IL34: variants seen among roughly 807,000 people sequenced by gnomAD.
IL34 encodes interleukin-34.
A neutral mutation model predicts 25.3 loss-of-function variants in IL34; 17 were observed. That is an observed-to-expected ratio of 0.67 (90% CI 0.46 to 1.01). The LOEUF (loss-of-function observed/expected upper bound fraction) is 1.01. IL34 is among the 50% of genes least tolerant of loss of function. IL34 has a pLI of 0.00. For synonymous variants in IL34, 174 were observed against 140.9 expected (o/e 1.23, Z -1.66); for missense variants, 368 against 312.9 (o/e 1.18, Z -1.33).
At chr16:70,631,248 G>A (rs1489675350) in intron 1 of IL34, among the ~76,000 whole-genome samples, 3 of 152,186 alleles carry the variant, frequency 2.0e-5, no homozygotes, top group Non-Finnish European at 2.9e-5. Flanking sequence ...ACTGTGGACT[G>A]TTGTGGACAT....
chr16:70,655,360 T>TC (rs946971542), intron 2 of IL34, among the ~76,000 whole-genome samples: 1 of 151,782 alleles, frequency 6.6e-6, no homozygotes, highest in African/African-American at 2.4e-5. Context: ...CCTTTTTTTT[T>TC]CTTTTTAATT....
At chr16:70,646,187 A>G (rs2864754), upstream of IL34, among the ~76,000 whole-genome samples, 91,420 of 152,026 alleles carry the variant, frequency 0.6, 30,427 homozygotes, top group African/African-American at 0.9. Context: ...TGGGATTACA[A>G]GCATGAGCCA....
intron 1 of IL34, among the ~76,000 whole-genome samples, chr16:70,623,699 CA>C (rs2051327468): frequency 6.6e-6 from 1 of 151,606 alleles, no homozygotes; most frequent in African/African-American, 2.4e-5. Context: ...AGAAGGGTGG[CA>C]ATGAGATGTA....
intron 5 of IL34, 112 bp from the exon 6 acceptor site, chr16:70,659,885 G>T: frequency 6.8e-7 from 1 of 1,474,336 alleles, no homozygotes; most frequent in East Asian, 2.3e-5. Context: ...ATTTCTGGAA[G>T]CCAGGATGGG....
At chr16:70,582,769 A>G (rs1321402801) in intron 1 of IL34, among the ~76,000 whole-genome samples, 1 of 152,244 alleles carries the variant, frequency 6.6e-6, no homozygotes, top group African/African-American at 2.4e-5. Context: ...AGGGAGAGAC[A>G]TGCACAAGAT....
chr16:70,641,970 T>C (rs1448879262), upstream of IL34, among the ~76,000 whole-genome samples: 1 of 152,236 alleles, frequency 6.6e-6, no homozygotes, highest in Non-Finnish European at 1.5e-5. Context: ...TGTGGGATAT[T>C]CATGCAAGGG....
chr16:70,583,123 TC>T (rs2050653366), intron 1 of IL34, among the ~76,000 whole-genome samples: 1 of 151,568 alleles, frequency 6.6e-6, no homozygotes, highest in African/African-American at 2.4e-5. Flanking sequence ...TTGTTGTTTG[TC>T]TTTTTTGAGA....
intron 1 of IL34, among the ~76,000 whole-genome samples, chr16:70,633,779 C>T (rs1360580637): frequency 6.6e-6 from 1 of 152,084 alleles, no homozygotes; most frequent in Non-Finnish European, 1.5e-5. Flanking sequence ...TTCTGGTGTA[C>T]AATTCCTGGT....
intron 1 of IL34, among the ~76,000 whole-genome samples, chr16:70,604,775 A>T (rs1439874422): frequency 6.6e-6 from 1 of 152,218 alleles, no homozygotes; most frequent in African/African-American, 2.4e-5. Flanking sequence ...CGTGCAGGAT[A>T]CTTCCAGTAG....
chr16:70,652,615 A>T (rs949722360), intron 1 of IL34, among the ~76,000 whole-genome samples: 1 of 152,228 alleles, frequency 6.6e-6, no homozygotes, highest in Non-Finnish European at 1.5e-5. Flanking sequence ...TATTGGCTAC[A>T]TGCATTATTA....
rs141480602 is a variant in IL34 at position 70,633,447 on chromosome 16, T to G, written c.-400-13101T>G. 4.5e-3 allele frequency among the ~76,000 whole-genome samples: 680 copies of G among 152,158 alleles called. 4 individuals are homozygous for G. The highest frequency in any genetic ancestry group is 0.015 in the African/African-American group (613 of 41,522). On this transcript the variant is annotated intron_variant, in intron 1 of 6. Coordinates refer to the IL34 transcript ENST00000429149. Reference sequence around the variant, plus strand: ...TAAAAAAAATTATTATTTTTTTCTCTAGAGACGTGGTCTCCCTATGTTGCC... The same window carrying G: ...TAAAAAAAATTATTATTTTTTTCTCGAGAGACGTGGTCTCCCTATGTTGCC...
upstream of IL34, among the ~76,000 whole-genome samples, chr16:70,644,848 G>A (rs72792840): frequency 0.28 from 35,383 of 124,736 alleles, 5,594 homozygotes; most frequent in South Asian, 0.41. Context: ...AGGAAGGAGG[G>A]AAGAGGAGGA....
At chr16:70,603,356 C>T (rs1030751952) in intron 1 of IL34, among the ~76,000 whole-genome samples, 4 of 152,034 alleles carry the variant, frequency 2.6e-5, no homozygotes, top group Admixed American at 6.5e-5. Flanking sequence ...CTCGGCTCAC[C>T]GCAACCTCCA....
intron 1 of IL34, 182 bp from the exon 2 acceptor site, chr16:70,654,356 C>A (rs2052158436): frequency 2.8e-6 from 2 of 712,788 alleles, no homozygotes; most frequent in Admixed American, 3.1e-5. Flanking sequence ...CCTGCCTGAC[C>A]TTGCTGTTCT....
chr16:70,609,299 G>C (rs1256841805), intron 1 of IL34, among the ~76,000 whole-genome samples: 6 of 152,058 alleles, frequency 3.9e-5, no homozygotes, highest in African/African-American at 1.4e-4. Context: ...GGATGGTCTT[G>C]AACTCCTGAC....
At chr16:70,629,996 C>T (rs1401710974) in intron 1 of IL34, among the ~76,000 whole-genome samples, 1 of 152,202 alleles carries the variant, frequency 6.6e-6, no homozygotes, top group African/African-American at 2.4e-5. Context: ...TTTCCACTTC[C>T]TCCCACCCAG....
chr16:70,634,256 A>G (rs945287443), intron 1 of IL34, among the ~76,000 whole-genome samples: 3 of 152,026 alleles, frequency 2.0e-5, no homozygotes, highest in Non-Finnish European at 4.4e-5. Flanking sequence ...CTGTTTCCAA[A>G]CAAGGTCATA....
At chr16:70,628,889 A>G (rs1023102790) in intron 1 of IL34, among the ~76,000 whole-genome samples, 2 of 151,646 alleles carry the variant, frequency 1.3e-5, no homozygotes, top group East Asian at 1.9e-4. Flanking sequence ...CTGGGTTCAA[A>G]TGATCCTTCC....
At chr16:70,620,368 G>GA in intron 1 of IL34, among the ~76,000 whole-genome samples, 1 of 152,092 alleles carries the variant, frequency 6.6e-6, no homozygotes, top group Non-Finnish European at 1.5e-5. Context: ...ACCTTTTTAA[G>GA]AGTGAATTGC....
Sources: gnomAD v4.1 joint callset for allele counts (sites outside exome capture counted in the v4.1 genomes callset) on GRCh38, gnomAD v4.1.1 for gene constraint, MANE v1.5 for transcripts, NCBI Gene and HGNC (gene_info 2026-07-23, HGNC 2026-07-21) for gene names.